ARHGAP15: variants seen among roughly 807,000 people sequenced by gnomAD.
ARHGAP15 encodes the protein rho GTPase-activating protein 15.
A neutral mutation model predicts 63.7 loss-of-function variants in ARHGAP15; 51 were observed. The observed-to-expected ratio is 0.80, with a 90% CI of 0.64 to 1.01. The LOEUF (loss-of-function observed/expected upper bound fraction) is 1.01. ARHGAP15 is among the 50% of genes least tolerant of loss of function. The pLI, the probability that ARHGAP15 is intolerant of heterozygous loss-of-function variation, is 0.00. For synonymous variants in ARHGAP15, 191 were observed against 193.8 expected (o/e 0.99, Z 0.12); for missense variants, 560 against 564.6 (o/e 0.99, Z 0.08).
At position 143,700,702 on chromosome 2, in the gene ARHGAP15, G is replaced by GTA. The variant is rs545342784; in HGVS notation, c.1139-2714_1139-2713dup. Among the ~76,000 whole-genome samples, 27 of 152,178 alleles carry GTA rather than the reference G, an allele frequency of 1.8e-4. No homozygotes were observed. In the East Asian group the frequency reaches 2.3e-3, roughly 13 times the overall value. On this transcript the variant is annotated intron_variant, in intron 12 of 13. Transcript: ENST00000295095. Reference sequence around the variant, plus strand: ...TATATATATGAGTGTGTGTGTGTGTGTATACACACGCATATATACACACAC... The same window carrying GTA: ...TATATATATGAGTGTGTGTGTGTGTGTATATACACACGCATATATACACACAC...
intron 12 of ARHGAP15, among the ~76,000 whole-genome samples, chr2:143,692,396 T>A (rs1683649169): frequency 6.6e-6 from 1 of 152,140 alleles, no homozygotes; most frequent in Non-Finnish European, 1.5e-5. Flanking sequence ...AGTCTCCGAC[T>A]TTCATTAGCA....
intron 12 of ARHGAP15, among the ~76,000 whole-genome samples, chr2:143,696,673 G>A (rs896029586): frequency 1.3e-5 from 2 of 150,466 alleles, no homozygotes; most frequent in African/African-American, 5.0e-5. Context: ...ACTATAAAGA[G>A]TTGTTCCCAT....
Position 143,524,038 on chromosome 2 carries a change from C to T in ARHGAP15, c.925+4674C>T, listed in dbSNP as rs760823545. ...CCCTTTCTGTCTTTTTTCTGGAACA[C>T]GAAATACTATGACAGGAATGGTACA... On this transcript the variant is annotated intron_variant, in intron 10 of 13. Transcript: ENST00000295095. 7.9e-5 allele frequency among the ~76,000 whole-genome samples: 12 copies of T among 152,050 alleles called. No homozygotes were observed. In the South Asian group the frequency reaches 8.3e-4, roughly 11 times the overall value.
chr2:143,226,642 G>A (rs1558826064), intron 4 of ARHGAP15, among the ~76,000 whole-genome samples: 2 of 152,138 alleles, frequency 1.3e-5, no homozygotes, highest in African/African-American at 2.4e-5. Context: ...AGAAGGAAAC[G>A]TCTGTGTGGT....
At chr2:143,409,494 G>A (rs980902949) in intron 6 of ARHGAP15, among the ~76,000 whole-genome samples, 3 of 151,862 alleles carry the variant, frequency 2.0e-5, no homozygotes, top group Non-Finnish European at 2.9e-5. Flanking sequence ...TCATGTTAAC[G>A]TTACATGATT....
At chr2:143,373,048 G>GA (rs1686632032) in intron 6 of ARHGAP15, among the ~76,000 whole-genome samples, 1 of 115,140 alleles carries the variant, frequency 8.7e-6, no homozygotes, top group African/African-American at 4.3e-5. Context: ...TCAAAAAATA[G>GA]ATGAGACAGA....
intron 9 of ARHGAP15, among the ~76,000 whole-genome samples, chr2:143,503,500 G>A (rs776922883): frequency 6.6e-6 from 1 of 152,196 alleles, no homozygotes; most frequent in Non-Finnish European, 1.5e-5. Context: ...ACACTCTCCA[G>A]CTAATACTTC....
intron 9 of ARHGAP15, 110 bp from the exon 10 acceptor site, chr2:143,519,156 A>ATGAG: frequency 1.3e-6 from 1 of 785,130 alleles, no homozygotes; most frequent in Non-Finnish European, 2.1e-6. Flanking sequence ...CAAAAAAAAA[A>ATGAG]TCTTATGCAA....
intron 11 of ARHGAP15, among the ~76,000 whole-genome samples, chr2:143,585,136 A>G (rs1241897126): frequency 2.0e-5 from 3 of 152,192 alleles, no homozygotes; most frequent in East Asian, 3.9e-4. Context: ...ATAGATGTCT[A>G]AAACTAAAAG....
intron 11 of ARHGAP15, among the ~76,000 whole-genome samples, chr2:143,598,831 C>A (rs1195687128): frequency 6.6e-6 from 1 of 152,040 alleles, no homozygotes; most frequent in Non-Finnish European, 1.5e-5. Flanking sequence ...GTGAGAGGAT[C>A]ACTTAAGTTC....
At position 143,634,545 on chromosome 2, in the gene ARHGAP15, CCTTTAGTTAACAGTCTCAGAG is replaced by C. The variant is rs376664834; in HGVS notation, c.1138+10300_1138+10320del. ...TCATATTAGAATATAATCAGAGTGT[CCTTTAGTTAACAGTCTCAGAG>C]CTTTAGTTAACAGTCTCAGAGGACC... On this transcript the variant is annotated intron_variant, in intron 12 of 13. Coordinates refer to ENST00000295095, the MANE Select transcript of ARHGAP15 (RefSeq NM_018460.4). Among the ~76,000 whole-genome samples the C allele has an allele frequency of 2.6e-3, 400 of 152,222 alleles. 3 individuals carry two copies. Among genetic ancestry groups the C allele is most frequent in the Non-Finnish European group, 3.2e-3 (219 of 68,010 alleles).
At chr2:143,299,932 A>T (rs1049460446) in intron 6 of ARHGAP15, among the ~76,000 whole-genome samples, 12 of 152,040 alleles carry the variant, frequency 7.9e-5, no homozygotes, top group African/African-American at 2.9e-4. Context: ...TTTCAGGCAG[A>T]TATCAACCAA....
Position 143,503,062 on chromosome 2 carries a change from A to T in ARHGAP15, c.826+15567A>T, listed in dbSNP as rs1383286321. ...TGCATGCTAGTAGTGGTCTAGGAAG[A>T]CTCTGCTGGGGAAAGCGTTAGCCTT... On this transcript the variant is annotated intron_variant, in intron 9 of 13. Coordinates refer to ENST00000295095, the MANE Select transcript of ARHGAP15 (RefSeq NM_018460.4). Among the ~76,000 whole-genome samples, 3 of 152,062 alleles carry T rather than the reference A, an allele frequency of 2.0e-5. No individual in the cohort carries two copies. The East Asian group carries it at 5.8e-4, about 29-fold the overall frequency.
rs1343563567 is a variant in ARHGAP15, at chr2:143,379,501, G to A, written c.475-56100G>A. ...TAGGCATATATATGTGTGTGTGTGT[G>A]TGTGTGTGTGTGTGTGTGTGTGTGT... is the stretch of plus-strand genomic sequence containing the variant. On this transcript the variant is annotated intron_variant, in intron 6 of 13. Coordinates refer to ENST00000295095, the MANE Select transcript of ARHGAP15 (RefSeq NM_018460.4). Among the ~76,000 whole-genome samples the A allele has an allele frequency of 6.3e-3, 945 of 149,866 alleles. 15 individuals are homozygous for A. The highest frequency in any genetic ancestry group is 0.021 in the African/African-American group (851 of 40,670).
At chr2:143,742,466 C>T (rs1685997079) in intron 13 of ARHGAP15, among the ~76,000 whole-genome samples, 1 of 152,154 alleles carries the variant, frequency 6.6e-6, no homozygotes, top group African/African-American at 2.4e-5. Context: ...CTGGTACGTA[C>T]CCAAAACACT....
chr2:143,493,837 T>A (rs1692696573), intron 9 of ARHGAP15, among the ~76,000 whole-genome samples: 1 of 152,134 alleles, frequency 6.6e-6, no homozygotes, highest in Non-Finnish European at 1.5e-5. Context: ...AAAGCATGAG[T>A]CCTCAACGGT....
chr2:143,156,878 A>G (rs1435029908), intron 2 of ARHGAP15, among the ~76,000 whole-genome samples: 2 of 151,964 alleles, frequency 1.3e-5, no homozygotes, highest in African/African-American at 4.8e-5. Flanking sequence ...ACCAGCTAAA[A>G]TGTTCATCAA....
intron 13 of ARHGAP15, among the ~76,000 whole-genome samples, chr2:143,722,831 C>G (rs556572763): frequency 6.6e-6 from 1 of 152,108 alleles, no homozygotes; most frequent in Non-Finnish European, 1.5e-5. Flanking sequence ...GAAGGAGAGA[C>G]CTGAGTGCAG....
At chr2:143,523,919 T>G (rs1694159570) in intron 10 of ARHGAP15, among the ~76,000 whole-genome samples, 1 of 152,158 alleles carries the variant, frequency 6.6e-6, no homozygotes. Flanking sequence ...ACCACAATTT[T>G]TTTAAAATGA....
Sources: allele counts gnomAD v4.1 joint callset (sites outside exome capture counted in the v4.1 genomes callset), GRCh38; gene constraint gnomAD v4.1.1; transcripts MANE v1.5; gene names NCBI Gene and HGNC (gene_info 2026-07-23, HGNC 2026-07-21).